The following MATR3 variants were observed in gnomAD, a reference collection of about 807,000 sequenced individuals.
The protein encoded by MATR3 is matrin 3.
A neutral mutation model predicts 85.5 loss-of-function variants in MATR3; 4 were observed. That is an observed-to-expected ratio of 0.05 (90% confidence interval 0.02 to 0.11). The LOEUF (loss-of-function observed/expected upper bound fraction) is 0.11. Ranked by LOEUF, MATR3 falls within the 10% of genes least tolerant of loss-of-function variation. The probability of loss-of-function intolerance (pLI) is 1.00; values close to 1 mark genes in which losing one functional copy is unlikely to be tolerated. For synonymous variants in MATR3, 336 were observed against 343.1 expected (o/e 0.98, Z 0.23); for missense variants, 685 against 1,016.1 (o/e 0.67, Z 4.43).
intron 1 of MATR3, among the ~76,000 whole-genome samples, chr5:139,296,832 C>T (rs1031811828): frequency 1.3e-5 from 2 of 152,144 alleles, no homozygotes; most frequent in Non-Finnish European, 2.9e-5. Flanking sequence ...TTATATATCT[C>T]CTTTAGTTAG....
rs541164929 is a variant in MATR3, at chr5:139,294,896, TAC to T, written c.-178+1093_-178+1094del. The T allele has an allele frequency of 8.5e-5, 13 of 152,322 alleles. No homozygotes were observed. The East Asian group carries it at 2.5e-3, about 29-fold the overall frequency. The allele number at this position is 152,322 out of a possible 1,614,324, so 9.4% of individuals were successfully genotyped here. A position where few individuals can be genotyped will look rare whatever the true frequency, so the allele number is the denominator to read the frequency against. ...TGTGGAATATTCCTATTGGATCAGTTACAGTTTTTTAGCCAGATATTTCTAGA... is the reference window on the plus strand; with the variant it reads ...TGTGGAATATTCCTATTGGATCAGTTAGTTTTTTAGCCAGATATTTCTAGA... On this transcript the variant is annotated intron_variant, in intron 1 of 14. Coordinates refer to ENST00000394805, the MANE Select transcript of MATR3 (RefSeq NM_018834.6).
At chr5:139,319,797 T>C (rs1357646494) in intron 9 of MATR3, among the ~76,000 whole-genome samples, 1 of 147,586 alleles carries the variant, frequency 6.8e-6, no homozygotes, top group African/African-American at 2.5e-5. Context: ...TGAGCTGAGA[T>C]TGCACCACTG....
chr5:139,292,658 T>C (rs1237069015), upstream of MATR3, among the ~76,000 whole-genome samples: 3 of 152,208 alleles, frequency 2.0e-5, no homozygotes, highest in Non-Finnish European at 4.4e-5. Context: ...ACGACCCTCC[T>C]GCACAGAATT....
chr5:139,313,148 G>GAC (rs1380059035), intron 2 of MATR3: 1 of 151,200 alleles, frequency 6.6e-6, no homozygotes, highest in Non-Finnish European at 1.5e-5. Flanking sequence ...CTCTCAGTGA[G>GAC]ACATCCCCCT....
chr5:139,308,197 A>G lies in MATR3; in HGVS notation c.782A>G (p.Gln261Arg). Residue 261 changes from glutamine (Q) to arginine (R), a missense_variant, in exon 2 of 15, where the codon CAA becomes CGA. Coordinates refer to ENST00000394805, the MANE Select transcript of MATR3 (RefSeq NM_018834.6). Reference protein sequence around the residue: ...ERMGRGPGPLQERSLFEKKRG... With the variant: ...ERMGRGPGPLRERSLFEKKRG... ...ATGGGACGTGGTCCTGGCCCCTTAC[A>G]AGAGAGATCTCTCTTTGAGAAAAAG... 3.1e-6 allele frequency: 5 copies of G among 1,614,138 alleles called. No homozygotes were observed. The highest frequency in any genetic ancestry group is 4.2e-6 in the Non-Finnish European group (5 of 1,180,008).
At chr5:139,319,529 A>C (rs777124885) in intron 9 of MATR3, 28 bp downstream of exon 9, 1 of 1,578,384 alleles carries the variant, frequency 6.3e-7, no homozygotes, top group Non-Finnish European at 8.7e-7. Flanking sequence ...GTTTTAGAGA[A>C]GATAATTTAT....
chr5:139,314,707 C>T lies in MATR3; in HGVS notation c.945C>T (p.His315=), dbSNP rs1470240827. ...GTCAACATATCAATGGAGCAAGTCA[C>T]AGTCGTCGATGCCAGCTTCTTCTTG... ...EWSQHINGAS[H]SRRCQLLLEI... The change falls in exon 3 of 15, where the codon CAC becomes CAT. Residue 315 remains histidine, a synonymous_variant. Coordinates refer to ENST00000394805, the MANE Select transcript of MATR3 (RefSeq NM_018834.6). 1.2e-6 allele frequency: 2 copies of T among 1,613,886 alleles called. No individual in the cohort carries two copies. The highest frequency in any genetic ancestry group is 1.7e-6 in the Non-Finnish European group (2 of 1,179,862).
chr5:139,307,781 A>G lies in MATR3; in HGVS notation c.366A>G (p.Leu122=). The stretch of plus-strand genomic sequence containing the variant: ...GCTTTGGTCTGTCTGCTAGAGACTT[A>G]GATGAACTGAGTCGTTATCCAGAGG... ...LASFGLSARD[L]DELSRYPEDK... is the part of the protein sequence containing the mutation. The change falls in exon 2 of 15, where the codon TTA becomes TTG. Residue 122 remains leucine (L), a synonymous_variant. Transcript: ENST00000394805. This position sits in a 1 kb window ranked among gnomAD's most constrained non-coding sequence, Gnocchi z 4.4. 1 of 1,614,180 alleles carries G rather than the reference A, an allele frequency of 6.2e-7. No homozygotes were observed. The highest frequency in any genetic ancestry group is 8.5e-7 in the Non-Finnish European group (1 of 1,180,028).
rs1192779778 is a variant in MATR3, at chr5:139,331,208, C to G, written c.*1813C>G. 1.5e-5 allele frequency: 7 copies of G among 454,006 alleles called. No homozygotes were observed. The highest frequency in any genetic ancestry group is 4.0e-5 in the African/African-American group (2 of 50,006). The allele number at this position is 454,006 out of a possible 1,614,324, so 28.1% of individuals were successfully genotyped here. ...CAAATAGTTGGCTAAATTTTATGAT[C>G]TCTCCCGTTGAAAAGTAGGTGATGA... is the stretch of plus-strand genomic sequence containing the variant. On this transcript the variant is annotated 3_prime_UTR_variant, in exon 15 of 15. Coordinates refer to ENST00000394805, the MANE Select transcript of MATR3 (RefSeq NM_018834.6).
chr5:139,319,226 A>G, intron 8 of MATR3, 108 bp from the exon 9 acceptor site: 1 of 1,349,982 alleles, frequency 7.4e-7, no homozygotes, highest in Non-Finnish European at 1.1e-6. Context: ...CAACATAGCA[A>G]GACCTCGTCT....
chr5:139,313,316 T>C (rs2151976644), intron 2 of MATR3: 1 of 130,112 alleles, frequency 7.7e-6, no homozygotes, highest in African/African-American at 2.7e-5. Flanking sequence ...ATAATCAGTG[T>C]AATAATAGTT....
intron 13 of MATR3, 99 bp from the exon 14 acceptor site, chr5:139,326,064 A>G (rs1393491971): frequency 2.6e-6 from 3 of 1,161,264 alleles, no homozygotes; most frequent in Non-Finnish European, 2.5e-6. Context: ...GACTTCTCAA[A>G]AACATGTTGT....
intron 4 of MATR3, 159 bp downstream of exon 4, chr5:139,315,897 A>G (rs1755215609): frequency 1.3e-6 from 1 of 757,854 alleles, no homozygotes; most frequent in East Asian, 2.7e-5. Context: ...TAGAATATAT[A>G]TTATGTAGTA....
At chr5:139,278,386 C>G in intron 2 of MATR3, 1 of 453,768 alleles carries the variant, frequency 2.2e-6, no homozygotes, top group South Asian at 1.6e-5. Flanking sequence ...TGGCAGGTGA[C>G]AGTCTGCATG....
rs768915167 is a variant in MATR3, at chr5:139,319,523, T to C, written c.1602+22T>C. Reference sequence around the variant, plus strand: ...TCAGGTAATATACATAAGGAAGTTTTAGAGAAGATAATTTATTAAAATCCT... The same window carrying C: ...TCAGGTAATATACATAAGGAAGTTTCAGAGAAGATAATTTATTAAAATCCT... On this transcript the variant is annotated intron_variant, in intron 9 of 14. Transcript: ENST00000394805. 4.4e-6 allele frequency: 7 copies of C among 1,586,728 alleles called. No individual in the cohort carries two copies. In the East Asian group the frequency reaches 8.9e-5, roughly 20 times the overall value.
chr5:139,319,109 A>T, intron 8 of MATR3, 76 bp downstream of exon 8: 1 of 1,508,974 alleles, frequency 6.6e-7, no homozygotes, highest in Non-Finnish European at 9.2e-7. Context: ...GTTATTTCAA[A>T]TTATTGCTAA....
chr5:139,291,115 G>A (rs181736887), upstream of MATR3, among the ~76,000 whole-genome samples: 99 of 152,232 alleles, frequency 6.5e-4, no homozygotes, highest in African/African-American at 2.4e-3. Context: ...GCAAGACCCT[G>A]TCTCCAAAAA....
chr5:139,320,317 A>T (rs547949870), intron 9 of MATR3, among the ~76,000 whole-genome samples: 1 of 152,088 alleles, frequency 6.6e-6, no homozygotes, highest in Non-Finnish European at 1.5e-5. Context: ...CAAAAAAAAA[A>T]ATTTAGAGTT....
chr5:139,318,839 A>T (rs936233368), intron 7 of MATR3, 69 bp from the exon 8 acceptor site: 2 of 1,491,194 alleles, frequency 1.3e-6, no homozygotes, highest in Non-Finnish European at 1.9e-6. Flanking sequence ...TTTAGGAAAA[A>T]AAATCTTTAG....
Sources: allele counts gnomAD v4.1 joint callset (sites outside exome capture counted in the v4.1 genomes callset), GRCh38; gene constraint gnomAD v4.1.1; non-coding constraint Gnocchi (gnomAD v3.1); transcripts MANE v1.5; gene names NCBI Gene and HGNC (gene_info 2026-07-23, HGNC 2026-07-21).